The following PTPRK variants were observed in gnomAD, a reference collection of about 807,000 sequenced individuals.
PTPRK encodes receptor-type tyrosine-protein phosphatase kappa.
PTPRK carries 75 observed loss-of-function variants against 178.0 expected under a neutral mutation model. The observed-to-expected ratio is 0.42, with a 90% CI of 0.35 to 0.51. The LOEUF is 0.51. Ranked by LOEUF, PTPRK falls within the 20% of genes least tolerant of loss-of-function variation. PTPRK has a pLI of 0.02. For synonymous variants in PTPRK, 637 were observed against 620.6 expected, an observed-to-expected ratio of 1.03 and a Z score of -0.39; for missense variants, 1,441 against 1,797.8, an observed-to-expected ratio of 0.80 and a Z score of 3.59.
chr6:128,083,123 T>C (rs1476128162), intron 9 of PTPRK, among the ~76,000 whole-genome samples: 1 of 152,136 alleles, frequency 6.6e-6, no homozygotes, highest in East Asian at 1.9e-4. Context: ...CTGTAGCCAT[T>C]AGAAATTTAA....
chr6:128,124,815 C>T (rs1474091100), intron 7 of PTPRK, among the ~76,000 whole-genome samples: 1 of 152,216 alleles, frequency 6.6e-6, no homozygotes, highest in Non-Finnish European at 1.5e-5. Flanking sequence ...AATTCTCCAG[C>T]AGACTGCCTT....
At chr6:128,409,092 C>G (rs572999488) in intron 1 of PTPRK, among the ~76,000 whole-genome samples, 1 of 152,246 alleles carries the variant, frequency 6.6e-6, no homozygotes, top group East Asian at 1.9e-4. Context: ...CCCTTCCTAG[C>G]CACGAACTGT....
rs530387263 is a variant in PTPRK at position 127,984,852 on chromosome 6, GT to G, written c.3251+868del. Reference sequence around the variant, plus strand: ...ATTTCATGAGGAGGATTGAAAGGAAGTTTTTTTTGTTTTCAGGGTACATAGT... The same window carrying G: ...ATTTCATGAGGAGGATTGAAAGGAAGTTTTTTTGTTTTCAGGGTACATAGT... On this transcript the variant is annotated intron_variant, in intron 22 of 29. Coordinates refer to ENST00000368226, the MANE Select transcript of PTPRK (RefSeq NM_002844.4). Among the ~76,000 whole-genome samples, 767 of 152,058 alleles carry G rather than the reference GT, an allele frequency of 5.0e-3. 13 individuals carry two copies. The highest frequency in any genetic ancestry group is 0.017 in the African/African-American group (715 of 41,500).
rs958733762 is a variant in PTPRK, at chr6:127,998,900, C to T, written c.2499G>A (p.Glu833=). Reference sequence around the variant, plus strand: ...TGGACTCTGCTGTAGCACTGTGGTTCTCATCTGGCATTTTTCAGATTTCAG... The same window carrying T: ...TGGACTCTGCTGTAGCACTGTGGTTTTCATCTGGCATTTTTCAGATTTCAG... The part of the protein sequence containing the change: ...MDQHNFSPRY[E]NHSATAESSR... Residue 833 remains glutamate (E), a synonymous_variant, in exon 16 of 30, where the codon GAG becomes GAA. Coordinates refer to ENST00000368226, the MANE Select transcript of PTPRK (RefSeq NM_002844.4). 3 of 1,502,296 alleles carry T rather than the reference C, an allele frequency of 2.0e-6. No homozygotes were observed. Among genetic ancestry groups the T allele is most frequent in the Admixed American group, 4.4e-5 (2 of 45,222 alleles). 93.1% of individuals were successfully genotyped at this position (1,502,296 alleles called of 1,614,324 possible).
At chr6:128,191,306 A>G (rs900613044) in intron 6 of PTPRK, among the ~76,000 whole-genome samples, 9 of 152,276 alleles carry the variant, frequency 5.9e-5, no homozygotes, top group Admixed American at 2.0e-4. Context: ...AGGCACAGAA[A>G]GACAAATACT....
chr6:128,158,558 G>A (rs1325464756), intron 7 of PTPRK, among the ~76,000 whole-genome samples: 1 of 151,926 alleles, frequency 6.6e-6, no homozygotes, highest in African/African-American at 2.4e-5. Context: ...CTGGAAGAAA[G>A]TCTGAACGTT....
chr6:128,100,736 A>T (rs1304870058), intron 7 of PTPRK, among the ~76,000 whole-genome samples: 1 of 151,970 alleles, frequency 6.6e-6, no homozygotes, highest in South Asian at 2.1e-4. Flanking sequence ...ATACCTAAAT[A>T]ATTCATTTCT....
intron 2 of PTPRK, among the ~76,000 whole-genome samples, chr6:128,387,323 C>T (rs1019709276): frequency 6.6e-6 from 1 of 152,120 alleles, no homozygotes; most frequent in Non-Finnish European, 1.5e-5. Flanking sequence ...TGAGAAAAGA[C>T]TTAACTTGTA....
intron 13 of PTPRK, among the ~76,000 whole-genome samples, chr6:128,064,406 T>C (rs1173684668): frequency 6.6e-6 from 1 of 152,226 alleles, no homozygotes; most frequent in Non-Finnish European, 1.5e-5. Context: ...TTGTCTACAA[T>C]GGAAAGTAAT....
intron 2 of PTPRK, among the ~76,000 whole-genome samples, chr6:128,384,389 T>A (rs1299514028): frequency 6.6e-6 from 1 of 152,010 alleles, no homozygotes; most frequent in Non-Finnish European, 1.5e-5. Flanking sequence ...ATTTCTATTT[T>A]TTTTTTCCTG....
chr6:128,050,036 C>T (rs549219014), intron 13 of PTPRK, among the ~76,000 whole-genome samples: 3 of 151,822 alleles, frequency 2.0e-5, no homozygotes, highest in Non-Finnish European at 2.9e-5. Flanking sequence ...CTTCAGAGGC[C>T]GAGGCAGGAG....
At chr6:128,221,739 G>A (rs909166900) in intron 5 of PTPRK, among the ~76,000 whole-genome samples, 2 of 151,488 alleles carry the variant, frequency 1.3e-5, no homozygotes, top group Non-Finnish European at 2.9e-5. Context: ...ATTTTTCTCT[G>A]CTTACCAACC....
At chr6:128,497,908 T>G (rs1185674501) in intron 1 of PTPRK, among the ~76,000 whole-genome samples, 1 of 152,180 alleles carries the variant, frequency 6.6e-6, no homozygotes, top group Non-Finnish European at 1.5e-5. Context: ...AAGAATATGT[T>G]GTGTATATTA....
chr6:128,489,535 TGTCATATAACTCTCTTA>T (rs1853463682), intron 1 of PTPRK, among the ~76,000 whole-genome samples: 1 of 152,190 alleles, frequency 6.6e-6, no homozygotes, highest in Admixed American at 6.5e-5. Context: ...AAACAATACT[TGTCATATAACTCTCTTA>T]GTCATATAAA....
intron 2 of PTPRK, among the ~76,000 whole-genome samples, chr6:128,396,434 T>C (rs1840311468): frequency 6.6e-6 from 1 of 151,326 alleles, no homozygotes; most frequent in Non-Finnish European, 1.5e-5. Flanking sequence ...CTCTTTCATG[T>C]TGTATTTTTA....
At chr6:128,236,742 G>T (rs916271752) in intron 5 of PTPRK, among the ~76,000 whole-genome samples, 1 of 151,812 alleles carries the variant, frequency 6.6e-6, no homozygotes, top group African/African-American at 2.4e-5. Flanking sequence ...TTAGTCTACT[G>T]ACACTCAGGC....
intron 3 of PTPRK, among the ~76,000 whole-genome samples, chr6:128,291,391 C>T (rs1823361935): frequency 6.6e-6 from 1 of 152,044 alleles, no homozygotes; most frequent in Non-Finnish European, 1.5e-5. Flanking sequence ...AGGCTACTGA[C>T]CTAGAACTGT....
chr6:128,166,406 CACTTA>C (rs943622943), intron 7 of PTPRK, among the ~76,000 whole-genome samples: 10 of 151,780 alleles, frequency 6.6e-5, no homozygotes, highest in East Asian at 3.9e-4. Context: ...TCAGGAAAGG[CACTTA>C]ACTTCTTTGA....
At chr6:128,351,301 T>C (rs1400392054) in intron 2 of PTPRK, among the ~76,000 whole-genome samples, 1 of 152,088 alleles carries the variant, frequency 6.6e-6, no homozygotes, top group Admixed American at 6.5e-5. Context: ...GGCAGAGAGG[T>C]TAGTGTGTAC....
Sources: gnomAD v4.1 joint callset for allele counts (sites outside exome capture counted in the v4.1 genomes callset) on GRCh38, gnomAD v4.1.1 for gene constraint, MANE v1.5 for transcripts, NCBI Gene and HGNC (gene_info 2026-07-23, HGNC 2026-07-21) for gene names.